CEP128: variants seen among roughly 807,000 people sequenced by gnomAD.
CEP128 encodes the protein centrosomal protein 128.
CEP128 carries 132 observed loss-of-function variants against 156.7 expected under a neutral mutation model. The observed-to-expected ratio is 0.84, with a 90% CI of 0.73 to 0.97. The LOEUF (loss-of-function observed/expected upper bound fraction) is 0.97, where lower values mean the gene tolerates loss of function less well. CEP128 is among the 50% of genes least tolerant of loss of function. The pLI, the probability that CEP128 is intolerant of heterozygous loss-of-function variation, is 0.00. For synonymous variants in CEP128, 469 were observed against 448.9 expected (o/e 1.04, Z -0.57); for missense variants, 1,252 against 1,281.9 (o/e 0.98, Z 0.36).
chr14:80,597,196 G>A (rs1484260594), intron 19 of CEP128, among the ~76,000 whole-genome samples: 3 of 152,014 alleles, frequency 2.0e-5, no homozygotes, highest in Non-Finnish European at 2.9e-5. Flanking sequence ...AAAGAGAGAC[G>A]GGGCAGGGAA....
chr14:80,712,390 A>C, intron 19 of CEP128, among the ~76,000 whole-genome samples: 1 of 152,128 alleles, frequency 6.6e-6, no homozygotes, highest in East Asian at 1.9e-4. Flanking sequence ...TGGCTCAAGC[A>C]TTGAGTCCAG....
chr14:80,750,398 CTTTTT>C (rs76032457), intron 18 of CEP128, among the ~76,000 whole-genome samples: 1 of 150,086 alleles, frequency 6.7e-6, no homozygotes, highest in Non-Finnish European at 1.5e-5. Flanking sequence ...TGAAACTCTA[CTTTTT>C]TTTTTATCAG....
chr14:80,765,773 A>G (rs1001446115), intron 16 of CEP128, among the ~76,000 whole-genome samples: 1 of 152,182 alleles, frequency 6.6e-6, no homozygotes, highest in Non-Finnish European at 1.5e-5. Flanking sequence ...CTAATTTTAC[A>G]TTTTAGGTAA....
At chr14:80,797,927 A>G (rs762582851) in intron 13 of CEP128, among the ~76,000 whole-genome samples, 27 of 152,270 alleles carry the variant, frequency 1.8e-4, no homozygotes, top group Non-Finnish European at 3.1e-4. Context: ...TATTACTATT[A>G]TATATTCCTG....
At chr14:80,778,664 T>C (rs1380047817) in intron 15 of CEP128, among the ~76,000 whole-genome samples, 1 of 152,214 alleles carries the variant, frequency 6.6e-6, no homozygotes, top group Non-Finnish European at 1.5e-5. Context: ...TCAACATCAG[T>C]AGTGTAGTAC....
chr14:80,870,299 CA>C (rs1472711423), intron 8 of CEP128, among the ~76,000 whole-genome samples: 1 of 152,002 alleles, frequency 6.6e-6, no homozygotes, highest in East Asian at 1.9e-4. Flanking sequence ...AAGATAATTA[CA>C]AGCCAATATC....
At chr14:80,556,041 T>C (rs1890421634) in intron 21 of CEP128, among the ~76,000 whole-genome samples, 1 of 152,068 alleles carries the variant, frequency 6.6e-6, no homozygotes, top group African/African-American at 2.4e-5. Context: ...TGCCTCATAT[T>C]GAGCCCAATA....
At chr14:80,654,969 TA>T (rs1361036888) in intron 19 of CEP128, among the ~76,000 whole-genome samples, 20 of 152,282 alleles carry the variant, frequency 1.3e-4, no homozygotes, top group Non-Finnish European at 2.9e-4. Context: ...CCAAATCATG[TA>T]TTTTCTCCAA....
At chr14:80,940,361 C>CA (rs1416143377) in intron 1 of CEP128, among the ~76,000 whole-genome samples, 1 of 152,114 alleles carries the variant, frequency 6.6e-6, no homozygotes, top group African/African-American at 2.4e-5. Context: ...TTATGTGTGC[C>CA]AATGTGAAAC....
intron 1 of CEP128, among the ~76,000 whole-genome samples, chr14:80,959,071 A>G (rs999910285): frequency 8.5e-5 from 13 of 152,278 alleles, no homozygotes; most frequent in African/African-American, 3.1e-4. Context: ...CCTACTACCC[A>G]TATCCCAGCC....
chr14:80,844,837 G>A (rs768519512), intron 9 of CEP128, among the ~76,000 whole-genome samples: 1 of 151,286 alleles, frequency 6.6e-6, no homozygotes, highest in Non-Finnish European at 1.5e-5. Flanking sequence ...AATTATCTTG[G>A]TGGAAGAGAT....
chr14:80,504,987 G>T lies in CEP128; in HGVS notation c.3106C>A (p.Arg1036Ser), dbSNP rs952412885. 1.9e-6 allele frequency: 3 copies of T among 1,601,076 alleles called. No homozygotes were observed. The highest frequency in any genetic ancestry group is 2.7e-5 in the African/African-American group (2 of 74,574). ...DRTFLEGSHT[R>S]GLDHSSSWQD... is the part of the protein sequence containing the mutation. ...CAAGAGGATGAGTGATCTAACCCAC[G>T]AGTGTGGGAACCTTCCAGAAAGGTT... Residue 1036 changes from arginine (R) to serine (S), a missense_variant, in exon 24 of 25, where the codon CGT (arginine) becomes AGT (serine). Physicochemically the swap from Arg to Ser is moderately radical, Grantham distance 110. Coordinates refer to ENST00000555265, the MANE Select transcript of CEP128 (RefSeq NM_152446.5).
intron 18 of CEP128, among the ~76,000 whole-genome samples, chr14:80,751,246 C>T (rs1315697613): frequency 6.6e-6 from 1 of 152,032 alleles, no homozygotes; most frequent in Non-Finnish European, 1.5e-5. Flanking sequence ...ATTCCATTGT[C>T]AAACAAAATT....
chr14:80,550,812 T>TAAAAAA (rs35063739), intron 21 of CEP128, among the ~76,000 whole-genome samples: 1 of 137,174 alleles, frequency 7.3e-6, no homozygotes, highest in African/African-American at 2.6e-5. Flanking sequence ...ATGTGAAATG[T>TAAAAAA]AAAAAAAAAA....
At chr14:80,885,103 T>A (rs533506314) in intron 8 of CEP128, among the ~76,000 whole-genome samples, 1 of 152,136 alleles carries the variant, frequency 6.6e-6, no homozygotes, top group African/African-American at 2.4e-5. Flanking sequence ...AGGACATCTC[T>A]GAAAGAAAGG....
chr14:80,676,714 T>C (rs992170662), intron 19 of CEP128, among the ~76,000 whole-genome samples: 1 of 152,152 alleles, frequency 6.6e-6, no homozygotes, highest in Non-Finnish European at 1.5e-5. Context: ...ATTCCCTTAA[T>C]TTATTAAGAT....
chr14:80,941,427 C>T (rs1399135680), intron 1 of CEP128, among the ~76,000 whole-genome samples, 154 bp downstream of exon 1: 2 of 152,162 alleles, frequency 1.3e-5, no homozygotes, highest in African/African-American at 4.8e-5. Flanking sequence ...TCTCCCCTCA[C>T]CTCTGCACAC....
chr14:80,866,943 T>C (rs1887793970), intron 8 of CEP128, among the ~76,000 whole-genome samples: 2 of 152,212 alleles, frequency 1.3e-5, no homozygotes, highest in South Asian at 2.1e-4. Flanking sequence ...TCAAACCCTA[T>C]ATATACCATG....
intron 24 of CEP128, among the ~76,000 whole-genome samples, chr14:80,503,147 A>C (rs1048048413): frequency 6.6e-6 from 1 of 152,176 alleles, no homozygotes; most frequent in Admixed American, 6.5e-5. Context: ...CAGTTAATTA[A>C]TTTACTAATT....
Sources: allele counts gnomAD v4.1 joint callset (sites outside exome capture counted in the v4.1 genomes callset), GRCh38; gene constraint gnomAD v4.1.1; transcripts MANE v1.5; gene names NCBI Gene and HGNC (gene_info 2026-07-23, HGNC 2026-07-21).